The following CHD5 variants were observed in gnomAD, a reference collection of about 807,000 sequenced individuals.
The protein encoded by CHD5 is ATP-dependent chromatin remodeler CHD5.
CHD5 carries 69 observed loss-of-function variants against 230.3 expected under a neutral mutation model. The ratio of observed to expected loss-of-function variants is 0.30; its 90% CI spans 0.25 to 0.37. The LOEUF (loss-of-function observed/expected upper bound fraction) is 0.37. Ranked by LOEUF, CHD5 falls within the 10% of genes least tolerant of loss-of-function variation. The probability of loss-of-function intolerance (pLI) is 1.00; values close to 1 mark genes in which losing one functional copy is unlikely to be tolerated. For missense variants in CHD5, 1,827 were observed against 2,622.8 expected, an observed-to-expected ratio of 0.70 and a Z score of 6.63; for synonymous variants, 1,064 against 1,065.9, an observed-to-expected ratio of 1.00 and a Z score of 0.03.
At position 6,131,687 on chromosome 1, in the gene CHD5, C is replaced by T; in HGVS notation, c.3206G>A (p.Arg1069Gln). ...GCCCCCGGTGATGCCACCATCAATC[C>T]GCTCATACTTGTAGCCTTCGTACTC... ...FLEYEGYKYE[R>Q]IDGGITGGLR... Residue 1069 changes from arginine (R) to glutamine (Q), a missense_variant, in exon 21 of 42, where the codon CGG becomes CAG. Transcript: ENST00000262450. This position sits in a 1 kb window ranked among gnomAD's most constrained non-coding sequence, Gnocchi z 5.0. 6.2e-7 allele frequency: 1 copy of T among 1,613,762 alleles called. No individual in the cohort carries two copies. The highest frequency in any genetic ancestry group is 8.5e-7 in the Non-Finnish European group (1 of 1,179,706).
chr1:6,170,919 C>T (rs956911455), intron 1 of CHD5, among the ~76,000 whole-genome samples: 4 of 152,210 alleles, frequency 2.6e-5, no homozygotes, highest in Non-Finnish European at 5.9e-5. Context: ...CGCTCTGCCA[C>T]CGGGCCTCCG....
In CHD5 at chr1:6,151,057, G is replaced by A; in HGVS notation, c.969C>T (p.Ser323=). The stretch of plus-strand genomic sequence containing the variant: ...TCCTCTTCTTCTTGCGCCTCCTCTT[G>A]CTCTTCTTGCCCAGGGCTGCAGAGC... ...SECSAALGKK[S]KRRRKKKRID... Residue 323 remains serine (S), a synonymous_variant, in exon 7 of 42, where the codon AGC becomes AGT. Transcript: ENST00000262450. 1 of 1,591,564 alleles carries A rather than the reference G, an allele frequency of 6.3e-7. No individual in the cohort carries two copies. Among genetic ancestry groups the A allele is most frequent in the Non-Finnish European group, 8.6e-7 (1 of 1,166,214 alleles).
chr1:6,104,121 A>G lies in CHD5; in HGVS notation c.*1353T>C, dbSNP rs1666119387. 1 of 152,136 alleles carries G rather than the reference A, an allele frequency of 6.6e-6. No individual in the cohort carries two copies. Among genetic ancestry groups the G allele is most frequent in the African/African-American group, 2.4e-5 (1 of 41,414 alleles). The allele number at this position is 152,136 out of a possible 1,614,324, so 9.4% of individuals were successfully genotyped here. On this transcript the variant is annotated 3_prime_UTR_variant, in exon 42 of 42. Transcript: ENST00000262450. Reference sequence around the variant, plus strand: ...GGGGCCAGGAGAAGGATCACACACAAACAGGCCTAGGGAGGGCCTGACCTG... The same window carrying G: ...GGGGCCAGGAGAAGGATCACACACAGACAGGCCTAGGGAGGGCCTGACCTG...
chr1:6,151,002 G>A (rs1283908819), intron 7 of CHD5, 30 bp downstream of exon 7: 1 of 1,504,872 alleles, frequency 6.6e-7, no homozygotes, highest in East Asian at 2.5e-5. Flanking sequence ...CACCCAGCAG[G>A]CCAAGAACTC....
Position 6,103,973 on chromosome 1 carries a change from A to AG in CHD5, c.*1500_*1501insC, listed in dbSNP as rs1202193352. ...TGAGCCCCAGCCCGTGTGCACCTCC[A>AG]CCCCAGGCCCAGCTGGGTTTTTCAC... On this transcript the variant is annotated 3_prime_UTR_variant, in exon 42 of 42. Transcript: ENST00000262450. 1.3e-5 allele frequency: 2 copies of AG among 152,080 alleles called. No individual in the cohort carries two copies. The highest frequency in any genetic ancestry group is 3.9e-4 in the East Asian group (2 of 5,166). 9.4% of individuals were successfully genotyped at this position (152,080 alleles called of 1,614,324 possible).
chr1:6,142,670 C>T lies in CHD5; in HGVS notation c.2044-65G>A, dbSNP rs1666847138. On this transcript the variant is annotated intron_variant, in intron 13 of 41. Coordinates refer to ENST00000262450, the MANE Select transcript of CHD5 (RefSeq NM_015557.3). The surrounding 1 kb of genome is among the most constrained non-coding windows in gnomAD (Gnocchi z 5.2). ...GGGCCACCAGAGTCCACACTACAGG[C>T]CTTTGCACATGCAATTCCTTCTGCC... 6.7e-7 allele frequency: 1 copy of T among 1,490,648 alleles called. No individual in the cohort carries two copies. The allele number at this position is 1,490,648 out of a possible 1,614,324, so 92.3% of individuals were successfully genotyped here. A position where few individuals can be genotyped will look rare whatever the true frequency, so the allele number is the denominator to read the frequency against.
intron 5 of CHD5, among the ~76,000 whole-genome samples, chr1:6,153,570 T>G (rs1208499839): frequency 6.6e-6 from 1 of 152,222 alleles, no homozygotes; most frequent in African/African-American, 2.4e-5. Flanking sequence ...GGCTCACACC[T>G]GCAATCCCAG....
Position 6,142,041 on chromosome 1 carries a change from G to T in CHD5, c.2436+87C>A. On this transcript the variant is annotated intron_variant, in intron 15 of 41. Transcript: ENST00000262450. The surrounding 1 kb of genome is among the most constrained non-coding windows in gnomAD (Gnocchi z 5.2). ...GCCTCGGTAGCCCTCCCAGGCTGAG[G>T]GACCCCAAAGGAGTGCACGGCACCC... 1 of 1,220,812 alleles carries T rather than the reference G, an allele frequency of 8.2e-7. No homozygotes were observed. The highest frequency in any genetic ancestry group is 1.2e-6 in the Non-Finnish European group (1 of 839,094). 75.6% of individuals were successfully genotyped at this position (1,220,812 alleles called of 1,614,324 possible). A position where few individuals can be genotyped will look rare whatever the true frequency, so the allele number is the denominator to read the frequency against.
In CHD5 at chr1:6,131,623, G is replaced by A; in HGVS notation, c.3262+8C>T. On this transcript the variant is annotated splice_region_variant and intron_variant, in intron 21 of 41. Transcript: ENST00000262450. This position sits in a 1 kb window ranked among gnomAD's most constrained non-coding sequence, Gnocchi z 5.0. ...CTCAATCAGAACCCTTGGGCAGGAT[G>A]GGGGTACCATTGAATCTGTCGATTG... 6.6e-7 allele frequency: 1 copy of A among 1,523,690 alleles called. No homozygotes were observed. Among genetic ancestry groups the A allele is most frequent in the South Asian group, 1.1e-5 (1 of 89,176 alleles). 94.4% of individuals were successfully genotyped at this position (1,523,690 alleles called of 1,614,324 possible).
intron 31 of CHD5, among the ~76,000 whole-genome samples, chr1:6,122,808 G>A (rs1015729679): frequency 1.3e-5 from 2 of 152,190 alleles, no homozygotes; most frequent in African/African-American, 2.4e-5. Context: ...GGTGGCTCAC[G>A]CCTATAATCC....
intron 11 of CHD5, among the ~76,000 whole-genome samples, chr1:6,145,900 C>T (rs908183173): frequency 1.3e-5 from 2 of 152,198 alleles, no homozygotes; most frequent in Non-Finnish European, 2.9e-5. Context: ...CTCGGGCGTC[C>T]CTCGTCCTCA....
At chr1:6,120,316 G>A (rs933988694) in intron 33 of CHD5, among the ~76,000 whole-genome samples, 3 of 152,132 alleles carry the variant, frequency 2.0e-5, no homozygotes, top group Non-Finnish European at 4.4e-5. Flanking sequence ...CAATGCAATT[G>A]AGTCAGAAAT....
intron 15 of CHD5, among the ~76,000 whole-genome samples, chr1:6,140,527 A>G (rs1666811098): frequency 6.6e-6 from 1 of 152,160 alleles, no homozygotes; most frequent in Non-Finnish European, 1.5e-5. Flanking sequence ...CCTCATGCTT[A>G]TTAACTCACT....
In CHD5 at chr1:6,146,652, C is replaced by A. The variant is rs775430988; in HGVS notation, c.1590+13G>T. On this transcript the variant is annotated intron_variant, in intron 10 of 41. Transcript: ENST00000262450. The surrounding 1 kb of genome is among the most constrained non-coding windows in gnomAD (Gnocchi z 5.1). ...TCCCGGGCCTTAGCACAGCCACCCT[C>A]CCGGGCACTCACCTGTAGCTCCTTC... is the stretch of plus-strand genomic sequence containing the variant. The A allele has an allele frequency of 6.2e-7, 1 of 1,613,612 alleles. No homozygotes were observed. The highest frequency in any genetic ancestry group is 8.5e-7 in the Non-Finnish European group (1 of 1,179,790).
chr1:6,162,777 T>C (rs2100876927), intron 2 of CHD5, among the ~76,000 whole-genome samples: 1 of 152,340 alleles, frequency 6.6e-6, no homozygotes, highest in South Asian at 2.1e-4. Flanking sequence ...CTGTCGGGAT[T>C]GGGCTCCAGC....
rs1258428730 is a variant in CHD5 at position 6,103,117 on chromosome 1, C to T, written c.*2357G>A. 6.6e-6 allele frequency: 1 copy of T among 152,508 alleles called. No homozygotes were observed. Among genetic ancestry groups the T allele is most frequent in the African/African-American group, 2.4e-5 (1 of 41,472 alleles). 9.4% of individuals were successfully genotyped at this position (152,508 alleles called of 1,614,324 possible). ...ACTTTTGGCAGAGATGACTGACAAACCAAGAAGGACATTCTCAGATCTTTT... is the reference window on the plus strand; with the variant it reads ...ACTTTTGGCAGAGATGACTGACAAATCAAGAAGGACATTCTCAGATCTTTT... On this transcript the variant is annotated 3_prime_UTR_variant, in exon 42 of 42. Transcript: ENST00000262450.
At chr1:6,150,451 TGGATGGATGGATGGAC>T (rs1370602032) in intron 7 of CHD5, among the ~76,000 whole-genome samples, 14 of 141,766 alleles carry the variant, frequency 9.9e-5, no homozygotes, top group African/African-American at 3.1e-4. Flanking sequence ...GATGGATGGA[TGGATGGATGGATGGAC>T]GGACGGACGG....
chr1:6,159,381 T>A lies in CHD5; in HGVS notation c.342A>T (p.Lys114Asn). 1.9e-6 allele frequency: 3 copies of A among 1,552,306 alleles called. No individual in the cohort carries two copies. The highest frequency in any genetic ancestry group is 2.6e-6 in the Non-Finnish European group (3 of 1,147,094). ...TATCATCCTCATCCTCATCCTTCTT[T>A]TTTCGCTTGGCTTTTTTCTCCTTCT... ...KDKKEKKAKRKKKDEDEDDND... is the reference protein window; with the variant it reads ...KDKKEKKAKRNKKDEDEDDND... The change falls in exon 3 of 42, where the codon AAA becomes AAT. Residue 114 changes from lysine to asparagine, a missense_variant. Lys to Asn is a moderately conservative substitution (Grantham distance 94). This residue lies in a region of CHD5 where 657 missense variants were observed against 816.4 expected (regional missense o/e 0.80). Coordinates refer to ENST00000262450, the MANE Select transcript of CHD5 (RefSeq NM_015557.3).
chr1:6,130,231 C>T lies in CHD5; in HGVS notation c.3360G>A (p.Ser1120=), dbSNP rs1197845883. ...ATADTVIIYD[S]DWNPHNDIQA... is the part of the protein sequence containing the mutation. ...GGATGTCATTGTGCGGGTTCCAGTC[C>T]GAGTCGTAGATGATGACAGTGTCCG... Residue 1120 remains serine (S), a synonymous_variant, in exon 22 of 42, where the codon TCG becomes TCA. Coordinates refer to ENST00000262450, the MANE Select transcript of CHD5 (RefSeq NM_015557.3). This position sits in a 1 kb window ranked among gnomAD's most constrained non-coding sequence, Gnocchi z 4.9. 10 of 1,613,864 alleles carry T rather than the reference C, an allele frequency of 6.2e-6. No homozygotes were observed. The highest frequency in any genetic ancestry group is 1.3e-5 in the African/African-American group (1 of 74,866).
Sources: allele counts gnomAD v4.1 joint callset (sites outside exome capture counted in the v4.1 genomes callset), GRCh38; gene constraint gnomAD v4.1.1; regional missense constraint gnomAD v4.1.1; non-coding constraint Gnocchi (gnomAD v3.1); transcripts MANE v1.5; gene names NCBI Gene and HGNC (gene_info 2026-07-23, HGNC 2026-07-21).